Variants in RPS3 observed in about 807,000 individuals in gnomAD.
RPS3 encodes small ribosomal subunit protein uS3.
A neutral mutation model predicts 25.8 loss-of-function variants in RPS3; 2 were observed. The observed-to-expected ratio is 0.08, with a 90% CI of 0.03 to 0.24. The LOEUF is 0.24. Ranked by LOEUF, RPS3 falls within the 10% of genes least tolerant of loss-of-function variation. The pLI is 1.00. For synonymous variants in RPS3, 114 were observed against 114.2 expected, an observed-to-expected ratio of 1.00 and a Z score of 0.01; for missense variants, 107 against 307.1, an observed-to-expected ratio of 0.35 and a Z score of 4.87.
At chr11:75,410,808 A>AC (rs1948350159), downstream of RPS3, among the ~76,000 whole-genome samples, 1 of 150,932 alleles carries the variant, frequency 6.6e-6, no homozygotes, top group African/African-American at 2.4e-5. Flanking sequence ...ACACAGCAAA[A>AC]CCCCGTCTCC....
At chr11:75,415,759 T>C (rs954263999) in intron 6 of RPS3, among the ~76,000 whole-genome samples, 2 of 147,582 alleles carry the variant, frequency 1.4e-5, no homozygotes, top group Middle Eastern at 3.6e-3. Flanking sequence ...TGAGCCGATA[T>C]CGTGCCACTG....
intron 6 of RPS3, among the ~76,000 whole-genome samples, chr11:75,415,306 G>A (rs12798081): frequency 0.067 from 10,200 of 152,260 alleles, 506 homozygotes; most frequent in South Asian, 0.22. Context: ...TAAAGGAGAT[G>A]TAACTACTAA....
chr11:75,407,963 GAGAA>G (rs1463600136), downstream of RPS3, among the ~76,000 whole-genome samples: 4 of 152,182 alleles, frequency 2.6e-5, no homozygotes, highest in Non-Finnish European at 5.9e-5. Flanking sequence ...ATAGCTTAAG[GAGAA>G]AGAAAGAAAC....
chr11:75,413,803 T>C (rs1252649651), intron 6 of RPS3, among the ~76,000 whole-genome samples: 2 of 152,016 alleles, frequency 1.3e-5, no homozygotes, highest in Admixed American at 6.6e-5. Context: ...CACAGCAAAT[T>C]AGGTATTGTA....
downstream of RPS3, among the ~76,000 whole-genome samples, chr11:75,410,112 G>C (rs1482647657): frequency 6.9e-6 from 1 of 145,928 alleles, no homozygotes; most frequent in East Asian, 2.1e-4. Context: ...CTGGCCGGGC[G>C]GGGGGCTGAC....
downstream of RPS3, among the ~76,000 whole-genome samples, chr11:75,408,135 A>G (rs890767780): frequency 6.6e-6 from 1 of 152,220 alleles, no homozygotes; most frequent in Non-Finnish European, 1.5e-5. Flanking sequence ...CTTAATTGTG[A>G]CAGAAAAATG....
rs772883502 is a variant in RPS3 at position 75,402,390 on chromosome 11, C to T, written c.294C>T (p.Ala98=). 6.2e-7 allele frequency: 1 copy of T among 1,613,932 alleles called. No individual in the cohort carries two copies. Among genetic ancestry groups the T allele is most frequent in the Non-Finnish European group, 8.5e-7 (1 of 1,179,824 alleles). The part of the protein sequence containing the change: ...AEKVATRGLC[A]IAQAESLRYK... ...AGGTGGCCACTAGAGGTCTGTGTGC[C>T]ATTGCCCAGGCAGAGTCTCTGCGTT... The change falls in exon 4 of 7, where the codon GCC becomes GCT. Residue 98 remains alanine (A), a synonymous_variant. Transcript: ENST00000531188.
intron 6 of RPS3, among the ~76,000 whole-genome samples, chr11:75,416,181 G>A (rs1948396621): frequency 6.6e-6 from 1 of 152,186 alleles, no homozygotes; most frequent in South Asian, 2.1e-4. Flanking sequence ...TGCATGTAGA[G>A]TGCTTAGCAC....
intron 6 of RPS3, among the ~76,000 whole-genome samples, chr11:75,418,277 A>G (rs990196970): frequency 1.3e-5 from 2 of 151,752 alleles, no homozygotes; most frequent in Non-Finnish European, 1.5e-5. Flanking sequence ...TCAGTGTCCT[A>G]ATTCTTACTT....
intron 6 of RPS3, among the ~76,000 whole-genome samples, chr11:75,414,083 G>C (rs975288225): frequency 1.3e-5 from 2 of 152,168 alleles, no homozygotes; most frequent in African/African-American, 4.8e-5. Flanking sequence ...GTGGGCATCT[G>C]ATTGGCCAAG....
chr11:75,407,064 C>A (rs1372081945), downstream of RPS3, among the ~76,000 whole-genome samples: 1 of 152,196 alleles, frequency 6.6e-6, no homozygotes, highest in Admixed American at 6.5e-5. Context: ...GCATCAATCT[C>A]CAGAACTTCA....
intron 4 of RPS3, chr11:75,403,287 C>A (rs1462303178): frequency 1.3e-5 from 2 of 152,250 alleles, no homozygotes; most frequent in East Asian, 3.8e-4. Flanking sequence ...ACTCAGCAAT[C>A]TGTCTTAATA....
chr11:75,415,623 T>G (rs1412437910), intron 6 of RPS3, among the ~76,000 whole-genome samples: 1 of 152,054 alleles, frequency 6.6e-6, no homozygotes, highest in African/African-American at 2.4e-5. Flanking sequence ...CTGGCCAAGA[T>G]GGTGAAACCC....
In RPS3 at chr11:75,400,795, C is replaced by A. The variant is rs371302270; in HGVS notation, c.132C>A (p.Thr44=). Residue 44 remains threonine (T), a synonymous_variant, in exon 2 of 7, where the codon ACC becomes ACA. Transcript: ENST00000531188. ...GAGTTGAGGTGCGAGTTACACCAACCAGGACAGAAATCATTATCTTAGCCA... is the reference window on the plus strand; with the variant it reads ...GAGTTGAGGTGCGAGTTACACCAACAAGGACAGAAATCATTATCTTAGCCA... ...YSGVEVRVTP[T]RTEIIILATR... 74 of 1,612,452 alleles carry A rather than the reference C, an allele frequency of 4.6e-5. No individual in the cohort carries two copies. Among genetic ancestry groups the A allele is most frequent in the Non-Finnish European group, 5.9e-5 (70 of 1,179,708 alleles).
downstream of RPS3, among the ~76,000 whole-genome samples, chr11:75,409,197 A>T (rs113654809): frequency 4.6e-3 from 678 of 146,170 alleles, 5 homozygotes; most frequent in African/African-American, 0.014. Context: ...TTATTTATTT[A>T]TTTTTTTATT....
rs1190307053 is a variant in RPS3, at chr11:75,406,774, T to A, written c.*1164T>A. ...ATCAAAAAGGATGGTTGTGTGTGTA[T>A]TGAACATGTAGACTTATTTTTCTTA... is the stretch of plus-strand genomic sequence containing the variant. On this transcript the variant is annotated 3_prime_UTR_variant, in exon 7 of 7. Transcript: ENST00000531188. 2 of 152,226 alleles carry A rather than the reference T, an allele frequency of 1.3e-5. No individual in the cohort carries two copies. The highest frequency in any genetic ancestry group is 2.9e-5 in the Non-Finnish European group (2 of 68,042). 9.4% of individuals were successfully genotyped at this position (152,226 alleles called of 1,614,324 possible). A position where few individuals can be genotyped will look rare whatever the true frequency, so the allele number is the denominator to read the frequency against.
At chr11:75,409,804 T>C (rs61896040), downstream of RPS3, among the ~76,000 whole-genome samples, 380 of 91,978 alleles carry the variant, frequency 4.1e-3, no homozygotes, top group African/African-American at 7.6e-3. Context: ...GGCGGCTGGC[T>C]GGGCGGGGGG....
rs1948198974 is a variant in RPS3, at chr11:75,400,840, C to G, written c.161+16C>G. ...TAGCCACCAGGTAAAACTCATTTGACTGGCCATCACCTATAATTGTTATAA... is the reference window on the plus strand; with the variant it reads ...TAGCCACCAGGTAAAACTCATTTGAGTGGCCATCACCTATAATTGTTATAA... On this transcript the variant is annotated intron_variant, in intron 2 of 6. Coordinates refer to ENST00000531188, the MANE Select transcript of RPS3 (RefSeq NM_001005.5). 1 of 1,607,332 alleles carries G rather than the reference C, an allele frequency of 6.2e-7. No homozygotes were observed. The highest frequency in any genetic ancestry group is 1.3e-5 in the African/African-American group (1 of 74,680).
intron 1 of RPS3, chr11:75,400,360 T>C (rs763405413): frequency 3.8e-6 from 2 of 523,946 alleles, no homozygotes; most frequent in East Asian, 1.1e-4. Context: ...TAGAGCAGTT[T>C]CTTGTTTTGC....
Sources: allele counts gnomAD v4.1 joint callset (sites outside exome capture counted in the v4.1 genomes callset), GRCh38; gene constraint gnomAD v4.1.1; transcripts MANE v1.5; gene names NCBI Gene and HGNC (gene_info 2026-07-23, HGNC 2026-07-21).